The following CCP110 variants were observed in gnomAD, a reference collection of about 807,000 sequenced individuals.
CCP110 encodes centriolar coiled-coil protein of 110 kDa.
A neutral mutation model predicts 105.5 loss-of-function variants in CCP110; 43 were observed. The ratio of observed to expected loss-of-function variants is 0.41; its 90% CI spans 0.32 to 0.53. The LOEUF is 0.53. Among genes scored for constraint, CCP110 ranks in the 20% least tolerant of loss-of-function variants. The probability of loss-of-function intolerance (pLI) is 0.32; values close to 1 mark genes in which losing one functional copy is unlikely to be tolerated. For synonymous variants in CCP110, 353 were observed against 392.1 expected, an observed-to-expected ratio of 0.90 and a Z score of 1.18; for missense variants, 1,016 against 1,189.1, an observed-to-expected ratio of 0.85 and a Z score of 2.14.
intron 3 of CCP110, among the ~76,000 whole-genome samples, chr16:19,534,403 T>C (rs2151467484): frequency 6.6e-6 from 1 of 152,352 alleles, no homozygotes; most frequent in East Asian, 1.9e-4. Flanking sequence ...ATTAGATTTC[T>C]GCTTCACCTG....
intron 4 of CCP110, among the ~76,000 whole-genome samples, chr16:19,538,390 A>G (rs1970158823): frequency 7.3e-6 from 1 of 137,170 alleles, no homozygotes; most frequent in Admixed American, 8.4e-5. Flanking sequence ...CCTCACTGCA[A>G]CCTCTGCTTC....
intron 6 of CCP110, 121 bp downstream of exon 6, chr16:19,542,185 AGCT>A (rs1970312269): frequency 7.7e-6 from 5 of 651,040 alleles, no homozygotes; most frequent in Admixed American, 3.4e-5. Context: ...CCTCTTTGCC[AGCT>A]GCTTAGTAAC....
chr16:19,547,300 C>T (rs2151483392), intron 12 of CCP110: 1 of 152,476 alleles, frequency 6.6e-6, no homozygotes, highest in South Asian at 2.1e-4. Flanking sequence ...GCCTGCTCAG[C>T]TACTCAGGAG....
chr16:19,537,320 TCTC>T (rs780934450), exon 4 of CCP110: 3 of 1,614,002 alleles, frequency 1.9e-6, no homozygotes, highest in East Asian at 2.2e-5. Flanking sequence ...AAAAAACCCT[TCTC>T]CTTTATTGAT....
At chr16:19,537,155 A>T in exon 4 of CCP110, 1 of 1,614,232 alleles carries the variant, frequency 6.2e-7, no homozygotes, top group African/African-American at 1.3e-5. Context: ...CATAATGAAC[A>T]GTACCTGTGC....
At chr16:19,535,071 G>A (rs1970003174) in intron 3 of CCP110, among the ~76,000 whole-genome samples, 2 of 151,728 alleles carry the variant, frequency 1.3e-5, no homozygotes, top group Admixed American at 1.3e-4. Context: ...TAGTAGAGAT[G>A]GAGTTTCACT....
At chr16:19,534,377 A>C (rs781750580) in intron 3 of CCP110, among the ~76,000 whole-genome samples, 2 of 152,208 alleles carry the variant, frequency 1.3e-5, no homozygotes, top group Admixed American at 6.6e-5. Context: ...CAGATAGGAA[A>C]ATTTTATATA....
chr16:19,525,834 GA>G (rs1969651544), intron 1 of CCP110: 1 of 152,602 alleles, frequency 6.6e-6, no homozygotes, highest in Admixed American at 6.5e-5. Flanking sequence ...AAAAATCAAG[GA>G]AATAAACACG....
chr16:19,539,706 G>T (rs1030275445), intron 4 of CCP110, among the ~76,000 whole-genome samples: 7 of 151,924 alleles, frequency 4.6e-5, no homozygotes, highest in Middle Eastern at 3.2e-3. Flanking sequence ...TGTTACCTGG[G>T]GAGCCAACTT....
exon 4 of CCP110, chr16:19,537,085 A>T: frequency 6.2e-7 from 1 of 1,614,234 alleles, no homozygotes; most frequent in South Asian, 1.1e-5. Context: ...TAGAAAATAA[A>T]GTTACTCATG....
chr16:19,547,913 A>C, intron 12 of CCP110, 42 bp from the exon 13 acceptor site: 1 of 1,404,650 alleles, frequency 7.1e-7, no homozygotes, highest in Non-Finnish European at 1.0e-6. Context: ...AAAAAATGGA[A>C]TTTAACCTAT....
exon 15 of CCP110, chr16:19,552,873 T>C (rs1970685770): frequency 6.6e-6 from 1 of 152,218 alleles, no homozygotes; most frequent in Non-Finnish European, 1.5e-5. Context: ...TTGAGATGTA[T>C]CATGTATTGA....
intron 8 of CCP110, among the ~76,000 whole-genome samples, chr16:19,544,481 T>C (rs760523199): frequency 6.6e-6 from 1 of 152,238 alleles, no homozygotes; most frequent in Non-Finnish European, 1.5e-5. Context: ...TGTACAAATT[T>C]TTTTTCCTTG....
intron 2 of CCP110, among the ~76,000 whole-genome samples, chr16:19,530,544 G>T (rs1969828722): frequency 6.6e-6 from 1 of 151,914 alleles, no homozygotes. Flanking sequence ...TATGTGGGAG[G>T]CTGAGGCAGG....
At position 19,545,169 on chromosome 16, in the gene CCP110, C is replaced by A. The variant is rs751816493; in HGVS notation, c.2662C>A (p.His888Asn). The change falls in exon 10 of 15, where the codon CAT becomes AAT. Residue 888 changes from histidine to asparagine, a missense_variant. Coordinates refer to ENST00000381396, the Ensembl canonical transcript of CCP110. ...AGCTGAAAGAATGTCTATTCTACAT[C>A]ATGATCGAGAAGTTCGCAAAGAGAA... The A allele has an allele frequency of 1.0e-4, 168 of 1,610,342 alleles. 1 individual carries two copies. Among genetic ancestry groups the A allele is most frequent in the South Asian group, 1.0e-3 (94 of 90,860 alleles).
At chr16:19,542,524 T>A in intron 6 of CCP110, 97 bp from the exon 7 acceptor site, 1 of 894,092 alleles carries the variant, frequency 1.1e-6, no homozygotes, top group Admixed American at 2.5e-5. Flanking sequence ...TTGGAGGCAG[T>A]TGTTATTCTT....
At chr16:19,527,415 A>C (rs905623917) in intron 1 of CCP110, among the ~76,000 whole-genome samples, 2 of 152,086 alleles carry the variant, frequency 1.3e-5, no homozygotes, top group Non-Finnish European at 2.9e-5. Flanking sequence ...CAAAATAGAA[A>C]ATTTTTAAAA....
intron 3 of CCP110, 105 bp from the exon 4 acceptor site, chr16:19,535,835 T>G (rs1970032120): frequency 1.3e-6 from 1 of 789,442 alleles, no homozygotes; most frequent in African/African-American, 1.8e-5. Context: ...TGTTTTGAAA[T>G]GTCAGAATTC....
At chr16:19,541,924 A>C in exon 6 of CCP110, 1 of 1,599,482 alleles carries the variant, frequency 6.3e-7, no homozygotes, top group South Asian at 1.1e-5. Flanking sequence ...AAAGAGAAGA[A>C]GGCAATGACA....
Sources: gnomAD v4.1 joint callset for allele counts (sites outside exome capture counted in the v4.1 genomes callset) on GRCh38, gnomAD v4.1.1 for gene constraint, MANE v1.5 for transcripts, NCBI Gene and HGNC (gene_info 2026-07-23, HGNC 2026-07-21) for gene names.